The following ZNF559 variants were observed in gnomAD, a reference collection of about 807,000 sequenced individuals.
ZNF559 encodes the protein putative protein product of Nbla00121.
Under a neutral mutation model 14.2 loss-of-function variants are expected in ZNF559, and 17 were observed. That is an observed-to-expected ratio of 1.20 (90% CI 0.82 to 1.80). The LOEUF is 1.80. Ranked by LOEUF, ZNF559 falls within the 40% of genes most tolerant of loss-of-function variation. The pLI is 0.00. For synonymous variants in ZNF559, 244 were observed against 212.4 expected (o/e 1.15, Z -1.29); for missense variants, 740 against 629.7 (o/e 1.18, Z -1.88).
At chr19:9,336,550 G>A (rs567392255) in intron 2 of ZNF559, among the ~76,000 whole-genome samples, 12 of 151,722 alleles carry the variant, frequency 7.9e-5, no homozygotes, top group South Asian at 4.2e-4. Flanking sequence ...AGCCAAGATC[G>A]CGCCACTGCA....
In ZNF559 at chr19:9,324,774, T is replaced by C; in HGVS notation, c.-126T>C. 6.5e-7 allele frequency: 1 copy of C among 1,536,072 alleles called. No homozygotes were observed. The highest frequency in any genetic ancestry group is 1.2e-5 in the South Asian group (1 of 84,058). On this transcript the variant is annotated 5_prime_UTR_variant, in exon 2 of 7. Coordinates refer to ENST00000603380, the MANE Select transcript of ZNF559 (RefSeq NM_032497.3). ...CCTCAGCAACCTGACAATTCTGTCG[T>C]GTCCCGGTGAGCACTTCATGCACTT...
In ZNF559 at chr19:9,342,741, TCA is replaced by T; in HGVS notation, c.1293_1294del (p.His431GlnfsTer7). ...CATTTCTTATTCGACATTTGAGAAG[TCA>T]CAGTGCAGAAAGGCCTTTTGAATGT... ...SSFLIRHLRS[H>X]SAERPFECEE... On this transcript the variant is annotated frameshift_variant, in exon 7 of 7. Transcript: ENST00000603380. LOFTEE classifies it low-confidence loss of function (END_TRUNC). 1.2e-6 allele frequency: 2 copies of T among 1,614,188 alleles called. No individual in the cohort carries two copies. Among genetic ancestry groups the T allele is most frequent in the South Asian group, 1.1e-5 (1 of 91,088 alleles).
At chr19:9,330,029 T>C (rs149687760) in intron 2 of ZNF559, 2 of 152,306 alleles carry the variant, frequency 1.3e-5, no homozygotes, top group African/African-American at 4.8e-5. Context: ...TTTAAAGTAA[T>C]TGTTGATAGA....
chr19:9,332,544 A>C (rs1174914349), intron 2 of ZNF559, among the ~76,000 whole-genome samples: 1 of 152,068 alleles, frequency 6.6e-6, no homozygotes, highest in Non-Finnish European at 1.5e-5. Flanking sequence ...GGCTACATGC[A>C]CCTCAGTGAT....
At position 9,337,808 on chromosome 19, in the gene ZNF559, T is replaced by C. The variant is rs1159739602; in HGVS notation, c.-107T>C. On this transcript the variant is annotated 5_prime_UTR_variant, in exon 3 of 7. An upstream start codon of the reference 5' UTR is lost. Transcript: ENST00000603380. The stretch of plus-strand genomic sequence containing the variant: ...TCATCTTCTGCAGAGAGATGGCTAA[T>C]GAATGGCGCTTGATGACAGATGAGT... The C allele has an allele frequency of 6.9e-6, 10 of 1,449,280 alleles. No homozygotes were observed. The highest frequency in any genetic ancestry group is 9.1e-6 in the Non-Finnish European group (10 of 1,104,086). 89.8% of individuals were successfully genotyped at this position (1,449,280 alleles called of 1,614,324 possible).
Position 9,345,308 on chromosome 19 carries a change from TTAAA to T in ZNF559, c.*2243_*2246del, listed in dbSNP as rs952641894. ...TCTTTAAACATGTGCTTCTGTTTCTTTAAATAGTTAAGAGTGGAATGATCAGATC... is the reference window on the plus strand; with the variant it reads ...TCTTTAAACATGTGCTTCTGTTTCTTTAGTTAAGAGTGGAATGATCAGATC... On this transcript the variant is annotated 3_prime_UTR_variant, in exon 7 of 7. Transcript: ENST00000603380. 6.6e-6 allele frequency: 1 copy of T among 152,206 alleles called. No homozygotes were observed. The highest frequency in any genetic ancestry group is 2.4e-5 in the African/African-American group (1 of 41,460). The allele number at this position is 152,206 out of a possible 1,614,324, so 9.4% of individuals were successfully genotyped here.
intron 3 of ZNF559, 51 bp downstream of exon 3, chr19:9,337,909 C>G: frequency 2.0e-6 from 3 of 1,534,740 alleles, no homozygotes; most frequent in Non-Finnish European, 2.6e-6. Context: ...TTGAGATTGA[C>G]TTACCCATAA....
intron 2 of ZNF559, among the ~76,000 whole-genome samples, chr19:9,334,212 G>C (rs537178905): frequency 1.3e-5 from 2 of 152,228 alleles, no homozygotes; most frequent in African/African-American, 4.8e-5. Context: ...TACTGGTTAA[G>C]TGTCAGAAAT....
At chr19:9,326,763 CTT>C (rs2066630138) in intron 2 of ZNF559, among the ~76,000 whole-genome samples, 3 of 152,176 alleles carry the variant, frequency 2.0e-5, no homozygotes, top group African/African-American at 7.2e-5. Context: ...TGTACTAAGT[CTT>C]TGGAATCCTG....
intron 1 of ZNF559, 37 bp from the exon 2 acceptor site, chr19:9,324,658 A>AG: frequency 9.5e-7 from 1 of 1,056,490 alleles, no homozygotes; most frequent in Non-Finnish European, 1.3e-6. Flanking sequence ...AAAAAAAAAA[A>AG]GTCTCCACAT....
At chr19:9,335,033 G>A (rs751389798) in intron 2 of ZNF559, among the ~76,000 whole-genome samples, 6 of 152,090 alleles carry the variant, frequency 3.9e-5, no homozygotes, top group Admixed American at 2.0e-4. Context: ...CTACTCGGGA[G>A]GCTGAGGCAA....
intron 2 of ZNF559, among the ~76,000 whole-genome samples, chr19:9,333,610 G>A (rs1156251759): frequency 6.6e-6 from 1 of 152,086 alleles, no homozygotes; most frequent in African/African-American, 2.4e-5. Flanking sequence ...GATTGCTTGA[G>A]CCCAGGAGGT....
intron 4 of ZNF559, among the ~76,000 whole-genome samples, chr19:9,338,946 T>G (rs2122202321): frequency 6.6e-6 from 1 of 152,284 alleles, no homozygotes; most frequent in African/African-American, 2.4e-5. Context: ...TAGAGAACAA[T>G]AAGAAGAAGT....
At chr19:9,340,733 A>ATTTTTTTTTTTTTTTTTTTTTTTTTT (rs201367378) in intron 5 of ZNF559, among the ~76,000 whole-genome samples, 2 of 124,660 alleles carry the variant, frequency 1.6e-5, no homozygotes, top group Non-Finnish European at 1.6e-5. Flanking sequence ...TGCCTGGCTA[A>ATTTTTTTTTTTTTTTTTTTTTTTTTT]TTTTTTTTTT....
chr19:9,333,762 A>G (rs997012211), intron 2 of ZNF559, among the ~76,000 whole-genome samples: 1 of 147,064 alleles, frequency 6.8e-6, no homozygotes, highest in Non-Finnish European at 1.5e-5. Context: ...AAAAAAAAAA[A>G]GGCTAATATC....
chr19:9,341,840 A>C lies in ZNF559; in HGVS notation c.389A>C (p.Lys130Thr). Reference protein sequence around the residue: ...ECNQCEKAFRKPSIFTLHKKT... With the variant: ...ECNQCEKAFRTPSIFTLHKKT... Reference sequence around the variant, plus strand: ...AATCAATGTGAAAAAGCCTTCAGAAAACCCTCTATCTTTACTTTACACAAG... The same window carrying C: ...AATCAATGTGAAAAAGCCTTCAGAACACCCTCTATCTTTACTTTACACAAG... The change falls in exon 7 of 7, where the codon AAA (lysine) becomes ACA (threonine). Residue 130 changes from lysine to threonine, a missense_variant. Physicochemically the swap from Lys to Thr is moderately conservative, Grantham distance 78 (BLOSUM62 -1). Coordinates refer to ENST00000603380, the MANE Select transcript of ZNF559 (RefSeq NM_032497.3). The C allele has an allele frequency of 6.2e-7, 1 of 1,610,626 alleles. No homozygotes were observed. The highest frequency in any genetic ancestry group is 1.1e-5 in the South Asian group (1 of 90,080).
upstream of ZNF559, chr19:9,323,913 C>G (rs1019989464): frequency 2.9e-5 from 16 of 554,852 alleles, no homozygotes; most frequent in South Asian, 3.6e-4. Flanking sequence ...TTCAACAAAT[C>G]CCAGCTCTTG....
chr19:9,329,121 C>A (rs1252285428), intron 2 of ZNF559, among the ~76,000 whole-genome samples: 1 of 152,004 alleles, frequency 6.6e-6, no homozygotes, highest in Non-Finnish European at 1.5e-5. Flanking sequence ...CTTTATTATT[C>A]TTGTGCTTAC....
chr19:9,338,490 T>C lies in ZNF559; in HGVS notation c.-56-4T>C, dbSNP rs1433436500. Reference sequence around the variant, plus strand: ...ATTCTCAGATTTTATTTCTTCTTCTTAAGATCATCTTTCTCAAGATGTTTT... The same window carrying C: ...ATTCTCAGATTTTATTTCTTCTTCTCAAGATCATCTTTCTCAAGATGTTTT... On this transcript the variant is annotated splice_region_variant and splice_polypyrimidine_tract_variant and intron_variant, in intron 3 of 6. Transcript: ENST00000603380. 9.3e-6 allele frequency: 15 copies of C among 1,610,900 alleles called. No individual in the cohort carries two copies. Among genetic ancestry groups the C allele is most frequent in the Non-Finnish European group, 1.2e-5 (14 of 1,177,362 alleles).
Sources: gnomAD v4.1 joint callset for allele counts (sites outside exome capture counted in the v4.1 genomes callset) on GRCh38, gnomAD v4.1.1 for gene constraint, MANE v1.5 for transcripts, NCBI Gene and HGNC (gene_info 2026-07-23, HGNC 2026-07-21) for gene names.